Variants in TMEM117 observed in about 807,000 individuals in gnomAD.
TMEM117 encodes the protein transmembrane protein 117.
In TMEM117, 27 loss-of-function variants were observed where a neutral mutation model predicts 52.4. That is an observed-to-expected ratio of 0.51 (90% CI 0.38 to 0.71). The LOEUF (loss-of-function observed/expected upper bound fraction) is 0.71. TMEM117 is among the 30% of genes least tolerant of loss of function. The probability of loss-of-function intolerance (pLI) is 0.00; values close to 1 mark genes in which losing one functional copy is unlikely to be tolerated. For synonymous variants in TMEM117, 215 were observed against 206.3 expected, an observed-to-expected ratio of 1.04 and a Z score of -0.36; for missense variants, 556 against 630.5, an observed-to-expected ratio of 0.88 and a Z score of 1.26.
chr12:43,979,926 A>T (rs1945733484), intron 3 of TMEM117, among the ~76,000 whole-genome samples: 1 of 152,186 alleles, frequency 6.6e-6, no homozygotes, highest in Non-Finnish European at 1.5e-5. Flanking sequence ...GACCTCAATT[A>T]ACCCTCTTGT....
chr12:44,002,561 C>A (rs1171375106), intron 3 of TMEM117, among the ~76,000 whole-genome samples: 1 of 152,164 alleles, frequency 6.6e-6, no homozygotes, highest in Non-Finnish European at 1.5e-5. Context: ...TAACTCCCAG[C>A]CCTGGAGCTG....
chr12:44,379,997 C>G (rs1951998102), intron 7 of TMEM117, among the ~76,000 whole-genome samples: 1 of 152,182 alleles, frequency 6.6e-6, no homozygotes, highest in African/African-American at 2.4e-5. Context: ...CTGAGGTATG[C>G]AGCAGACTTG....
chr12:44,257,372 C>T (rs1413836235), intron 5 of TMEM117, among the ~76,000 whole-genome samples: 1 of 151,942 alleles, frequency 6.6e-6, no homozygotes, highest in Non-Finnish European at 1.5e-5. Context: ...TTTGTCTTTA[C>T]CATTCTGTTT....
At chr12:44,390,981 A>C (rs1416873790), downstream of TMEM117, among the ~76,000 whole-genome samples, 12 of 152,176 alleles carry the variant, frequency 7.9e-5, no homozygotes, top group Admixed American at 3.3e-4. Context: ...CATTTTAAAA[A>C]GAGATGTGTA....
intron 5 of TMEM117, among the ~76,000 whole-genome samples, chr12:44,247,947 T>C (rs541120762): frequency 9.2e-5 from 14 of 152,248 alleles, no homozygotes; most frequent in African/African-American, 3.4e-4. Flanking sequence ...AGGAAATGAG[T>C]TCTAGCTTCC....
intron 5 of TMEM117, among the ~76,000 whole-genome samples, chr12:44,264,544 T>C (rs549320679): frequency 6.6e-6 from 1 of 152,176 alleles, no homozygotes; most frequent in Non-Finnish European, 1.5e-5. Flanking sequence ...GGGAAGCTCT[T>C]AGGGAAGGGA....
chr12:43,855,490 A>T (rs1351694997), intron 2 of TMEM117, among the ~76,000 whole-genome samples: 1 of 152,216 alleles, frequency 6.6e-6, no homozygotes, highest in Non-Finnish European at 1.5e-5. Flanking sequence ...GAATAATTTG[A>T]TAACTAAATA....
At chr12:44,251,135 T>C (rs1191363586) in intron 5 of TMEM117, among the ~76,000 whole-genome samples, 1 of 152,156 alleles carries the variant, frequency 6.6e-6, no homozygotes, top group Non-Finnish European at 1.5e-5. Flanking sequence ...GGGCTGATAC[T>C]CCAGAGTGAA....
chr12:44,287,073 T>C (rs1950647652), intron 5 of TMEM117, among the ~76,000 whole-genome samples: 1 of 152,164 alleles, frequency 6.6e-6, no homozygotes, highest in Admixed American at 6.5e-5. Context: ...ACTCTGTGAT[T>C]CTCAGGAGCC....
intron 3 of TMEM117, among the ~76,000 whole-genome samples, chr12:44,125,831 GT>G (rs1159296828): frequency 6.6e-6 from 1 of 151,872 alleles, no homozygotes. Flanking sequence ...GATCTTTCTA[GT>G]TTTTTTCATG....
chr12:43,972,642 T>C (rs1475572613), intron 3 of TMEM117, among the ~76,000 whole-genome samples: 3 of 152,202 alleles, frequency 2.0e-5, no homozygotes, highest in African/African-American at 7.2e-5. Context: ...TGGTCCATTT[T>C]ACAAACCTCT....
intron 2 of TMEM117, among the ~76,000 whole-genome samples, chr12:43,887,290 A>G (rs564239862): frequency 1.3e-5 from 2 of 152,308 alleles, no homozygotes; most frequent in African/African-American, 2.4e-5. Context: ...GTTATTGAGA[A>G]TCTTATAAAT....
At chr12:44,301,519 A>G (rs969051446) in intron 6 of TMEM117, among the ~76,000 whole-genome samples, 6 of 152,186 alleles carry the variant, frequency 3.9e-5, no homozygotes, top group African/African-American at 1.4e-4. Flanking sequence ...CATTTTGGCT[A>G]CAAGTAGCAA....
At chr12:44,045,635 G>C (rs1946869949) in intron 3 of TMEM117, among the ~76,000 whole-genome samples, 1 of 152,068 alleles carries the variant, frequency 6.6e-6, no homozygotes, top group Admixed American at 6.5e-5. Context: ...ACGAGGTCAG[G>C]AGTTCAAGAC....
chr12:43,930,524 A>T (rs1944854716), intron 2 of TMEM117, among the ~76,000 whole-genome samples: 2 of 152,134 alleles, frequency 1.3e-5, no homozygotes, highest in South Asian at 4.1e-4. Context: ...AGATGCAATA[A>T]ATTTGGCTCA....
At chr12:43,942,631 A>C (rs1442618929) in intron 2 of TMEM117, among the ~76,000 whole-genome samples, 1 of 150,048 alleles carries the variant, frequency 6.7e-6, no homozygotes, top group Non-Finnish European at 1.5e-5. Context: ...TTTTTTTTTT[A>C]CTCTTCATCT....
At chr12:44,299,311 T>A (rs973882532) in intron 5 of TMEM117, among the ~76,000 whole-genome samples, 1 of 151,972 alleles carries the variant, frequency 6.6e-6, no homozygotes, top group African/African-American at 2.4e-5. Flanking sequence ...TTTTGTATTT[T>A]TAGTAGAGAC....
chr12:44,064,020 G>C (rs1425122528), intron 3 of TMEM117, among the ~76,000 whole-genome samples: 1 of 152,114 alleles, frequency 6.6e-6, no homozygotes, highest in Non-Finnish European at 1.5e-5. Context: ...TATGCTAGGT[G>C]AATTTATGGG....
chr12:44,015,048 G>A (rs557503081), intron 3 of TMEM117, among the ~76,000 whole-genome samples: 2 of 152,012 alleles, frequency 1.3e-5, no homozygotes, highest in African/African-American at 4.8e-5. Flanking sequence ...AAAAAATGGT[G>A]GCTACAGTAA....
Sources: gnomAD v4.1 joint callset for allele counts (sites outside exome capture counted in the v4.1 genomes callset) on GRCh38, gnomAD v4.1.1 for gene constraint, MANE v1.5 for transcripts, NCBI Gene and HGNC (gene_info 2026-07-23, HGNC 2026-07-21) for gene names.